POLG: variants seen among roughly 807,000 people sequenced by gnomAD.
POLG encodes DNA polymerase subunit gamma-1.
Under a neutral mutation model 155.4 loss-of-function variants are expected in POLG, and 110 were observed. That is an observed-to-expected ratio of 0.71 (90% CI 0.61 to 0.83). POLG has a LOEUF of 0.83. POLG is among the 40% of genes least tolerant of loss of function. POLG has a pLI of 0.00. For synonymous variants in POLG, 701 were observed against 631.5 expected, an observed-to-expected ratio of 1.11 and a Z score of -1.65; for missense variants, 1,685 against 1,627.5, an observed-to-expected ratio of 1.04 and a Z score of -0.61.
chr15:89,322,867 G>C lies in POLG; in HGVS notation c.2301C>G (p.Ala767=), dbSNP rs1376163866. 6.2e-7 allele frequency: 1 copy of C among 1,613,614 alleles called. No individual in the cohort carries two copies. The highest frequency in any genetic ancestry group is 1.7e-5 in the Admixed American group (1 of 60,022). ...GNSCNVGSPF[A]KDFLPKMEDG... is the part of the protein sequence containing the mutation. ...CCTCCATCTTGGGCAGGAAGTCCTT[G>C]GCAAAGGGGCTTCCCACATTACAGC... The change falls in exon 14 of 23, where the codon GCC becomes GCG. Residue 767 remains alanine, a synonymous_variant. Transcript: ENST00000268124.
intron 10 of POLG, among the ~76,000 whole-genome samples, chr15:89,324,689 C>T (rs2055446276): frequency 6.6e-6 from 1 of 152,256 alleles, no homozygotes; most frequent in African/African-American, 2.4e-5. Context: ...TTCTCCCCAA[C>T]ACCTGCCTGC....
At chr15:89,325,157 AGTGAGTG>A (rs2055479365) in intron 10 of POLG, among the ~76,000 whole-genome samples, 4 of 97,776 alleles carry the variant, frequency 4.1e-5, no homozygotes, top group Admixed American at 2.0e-4. Context: ...TGAGTGAGTG[AGTGAGTG>A]AGTGAGAGAG....
rs200258601 is a variant in POLG, at chr15:89,320,788, C to T, written c.2959G>A (p.Ala987Thr). ...EAAEKAQQMY[A>T]ATKGLRWYRL... ...CACCAGCGGAGGCCCTTGGTGGCAG[C>T]GTACATCTGCTGGGCCTTCTCAGCT... Residue 987 changes from alanine (A) to threonine (T), a missense_variant, in exon 18 of 23, where the codon GCT becomes ACT. Transcript: ENST00000268124. The T allele has an allele frequency of 4.2e-5, 68 of 1,613,506 alleles. No individual in the cohort carries two copies. Among genetic ancestry groups the T allele is most frequent in the Non-Finnish European group, 5.4e-5 (64 of 1,180,012 alleles).
intron 10 of POLG, among the ~76,000 whole-genome samples, 173 bp downstream of exon 10, chr15:89,325,267 TGAGTGAGAGA>T (rs1342184715): frequency 9.4e-6 from 1 of 106,414 alleles, no homozygotes; most frequent in African/African-American, 5.1e-5. Context: ...AGTGAGTGAG[TGAGTGAGAGA>T]GAGAGAAAGA....
chr15:89,326,923 A>G lies in POLG; in HGVS notation c.1574T>C (p.Met525Thr). The G allele has an allele frequency of 6.2e-7, 1 of 1,613,972 alleles. No homozygotes were observed. The highest frequency in any genetic ancestry group is 8.5e-7 in the Non-Finnish European group (1 of 1,179,934). ...IEGAGAPGDPMDQEDLGPCSE... is the reference protein window; with the variant it reads ...IEGAGAPGDPTDQEDLGPCSE... ...CCCATGCTCCCCACCTTCCTGATCC[A>G]TGGGATCACCAGGGGCCCCAGCCCC... Residue 525 changes from methionine (M) to threonine (T), a missense_variant, in exon 8 of 23, where the codon ATG becomes ACG. Met to Thr is a moderately conservative substitution (Grantham distance 81, BLOSUM62 -1). Transcript: ENST00000268124.
chr15:89,333,903 C>A lies in POLG; in HGVS notation c.-149G>T. ...AATGGGTTTGACCATGCCTGCCTTC[C>A]ACCCCAAATCCTAAAGGAGACAGAT... On this transcript the variant is annotated 5_prime_UTR_variant, in exon 2 of 23. Coordinates refer to ENST00000268124, the MANE Select transcript of POLG (RefSeq NM_002693.3). The A allele has an allele frequency of 1.2e-6, 1 of 841,548 alleles. No individual in the cohort carries two copies. Among genetic ancestry groups the A allele is most frequent in the East Asian group, 2.7e-5 (1 of 37,530 alleles). 52.1% of individuals were successfully genotyped at this position (841,548 alleles called of 1,614,324 possible).
chr15:89,325,161 AGTGAGT>A lies in POLG; in HGVS notation c.1949+283_1949+288del, dbSNP rs1286868089. ...GAGTGAGAGAGTGAGTGAGTGAGTG[AGTGAGT>A]GAGAGAGTGAGAGAGTGAGTGAGTG... On this transcript the variant is annotated intron_variant, in intron 10 of 22. Transcript: ENST00000268124. Among the ~76,000 whole-genome samples, 14 of 98,536 alleles carry A rather than the reference AGTGAGT, an allele frequency of 1.4e-4. No individual in the cohort carries two copies. In the South Asian group the frequency reaches 1.5e-3, roughly 10 times the overall value. The allele number at this position is 98,536 out of a possible 152,430, so 64.6% of individuals were successfully genotyped here.
rs185645212 is a variant in POLG at position 89,323,504 on chromosome 15, C to A, written c.2165G>T (p.Arg722Leu). Residue 722 changes from arginine (R) to leucine (L), a missense_variant, in exon 13 of 23, where the codon CGT (arginine) becomes CTT (leucine). This residue lies in a region of POLG where 1,210 missense variants were observed against 1,167.1 expected (regional missense o/e 1.04). Transcript: ENST00000268124. The stretch of plus-strand genomic sequence containing the variant: ...GGGCTGGGTGTCCTTGGGGCCACCA[C>A]GGGCAGTCTGTGAGGGCCACACACC... Reference protein sequence around the residue: ...VPGQPLALTARGGPKDTQPSY... With the variant: ...VPGQPLALTALGGPKDTQPSY... 2.5e-6 allele frequency: 4 copies of A among 1,608,372 alleles called. No homozygotes were observed. In the Admixed American group the frequency reaches 6.7e-5, roughly 27 times the overall value.
Position 89,326,731 on chromosome 15 carries a change from G to A in POLG, c.1593C>T (p.Gly531=). The part of the protein sequence containing the change: ...PGDPMDQEDL[G]PCSEEEEFQQ... Reference sequence around the variant, plus strand: ...GAAACTCCTCCTCCTCACTGCAGGGGCCGAGGTCTGTGAGGGTGGGGGAAG... The same window carrying A: ...GAAACTCCTCCTCCTCACTGCAGGGACCGAGGTCTGTGAGGGTGGGGGAAG... The change falls in exon 9 of 23, where the codon GGC becomes GGT. Residue 531 remains glycine, a synonymous_variant. Coordinates refer to ENST00000268124, the MANE Select transcript of POLG (RefSeq NM_002693.3). 3 of 1,613,936 alleles carry A rather than the reference G, an allele frequency of 1.9e-6. No homozygotes were observed. The highest frequency in any genetic ancestry group is 2.2e-5 in the East Asian group (1 of 44,874).
At chr15:89,317,119 A>G (rs1061316) in intron 22 of POLG, 5 of 591,168 alleles carry the variant, frequency 8.5e-6, no homozygotes, top group Non-Finnish European at 1.5e-5. Context: ...AGAATAAATT[A>G]TCTTTAAACA....
intron 6 of POLG, among the ~76,000 whole-genome samples, chr15:89,327,751 G>A (rs1242115341): frequency 6.6e-6 from 1 of 151,880 alleles, no homozygotes; most frequent in Non-Finnish European, 1.5e-5. Context: ...TGTCTGGATC[G>A]TGCAAGTTCA....
rs1306682671 is a variant in POLG at position 89,325,127 on chromosome 15, T to A, written c.1949+323A>T. ...GAGTGAGAGAGAGTGAGTGAGTGAG[T>A]GAGAGAGTGAGTGAGAGAGTGAGTG... On this transcript the variant is annotated intron_variant, in intron 10 of 22. Transcript: ENST00000268124. Among the ~76,000 whole-genome samples, 164 of 37,752 alleles carry A rather than the reference T, an allele frequency of 4.3e-3. 1 individual carries two copies. The highest frequency in any genetic ancestry group is 0.011 in the African/African-American group (82 of 7,326). The allele number at this position is 37,752 out of a possible 152,430, so 24.8% of individuals were successfully genotyped here.
intron 10 of POLG, 200 bp from the exon 11 acceptor site, chr15:89,324,427 G>C (rs1208242242): frequency 3.0e-6 from 2 of 671,920 alleles, no homozygotes; most frequent in African/African-American, 3.5e-5. Flanking sequence ...CAGCAGGCTG[G>C]GGTTCAAGGC....
At chr15:89,319,661 A>G (rs1298474603) in intron 18 of POLG, among the ~76,000 whole-genome samples, 3 of 152,200 alleles carry the variant, frequency 2.0e-5, no homozygotes, top group Non-Finnish European at 2.9e-5. Flanking sequence ...GTTTCTTTAG[A>G]CACTGAATTG....
In POLG at chr15:89,333,681, C is replaced by A; in HGVS notation, c.74G>T (p.Trp25Leu). The stretch of plus-strand genomic sequence containing the variant: ...GGACGCGGGGACGGAGCTGGAGACC[C>A]AGCGCCCCGGAGCTGGAACCGGCCC... The part of the protein sequence containing the change: ...GPGPVPAPGR[W>L]VSSSVPASDP... Residue 25 changes from tryptophan (W) to leucine (L), a missense_variant, in exon 2 of 23, where the codon TGG (tryptophan) becomes TTG (leucine). Trp to Leu is a moderately conservative substitution (Grantham distance 61). This residue lies in a region of POLG where 1,210 missense variants were observed against 1,167.1 expected (regional missense o/e 1.04). Coordinates refer to ENST00000268124, the MANE Select transcript of POLG (RefSeq NM_002693.3). 1 of 1,548,310 alleles carries A rather than the reference C, an allele frequency of 6.5e-7. No individual in the cohort carries two copies. The highest frequency in any genetic ancestry group is 2.4e-5 in the East Asian group (1 of 41,468).
intron 10 of POLG, among the ~76,000 whole-genome samples, chr15:89,325,107 A>AGAGAGTGAGT (rs1555453310): frequency 5.5e-5 from 2 of 36,666 alleles, no homozygotes; most frequent in Non-Finnish European, 9.8e-5. Flanking sequence ...TGAGAGAGTG[A>AGAGAGTGAGT]GAGAGAGTGA....
At position 89,326,924 on chromosome 15, in the gene POLG, T is replaced by C. The variant is rs1215102590; in HGVS notation, c.1573A>G (p.Met525Val). The change falls in exon 8 of 23, where the codon ATG becomes GTG. Residue 525 changes from methionine (M) to valine (V), a missense_variant. Met to Val is a conservative substitution (Grantham distance 21, BLOSUM62 1). Transcript: ENST00000268124. ...CCATGCTCCCCACCTTCCTGATCCA[T>C]GGGATCACCAGGGGCCCCAGCCCCC... Reference protein sequence around the residue: ...IEGAGAPGDPMDQEDLGPCSE... With the variant: ...IEGAGAPGDPVDQEDLGPCSE... The C allele has an allele frequency of 2.5e-6, 4 of 1,613,978 alleles. No individual in the cohort carries two copies. Among genetic ancestry groups the C allele is most frequent in the African/African-American group, 1.3e-5 (1 of 74,928 alleles).
At chr15:89,323,240 A>T (rs1297366784) in intron 13 of POLG, among the ~76,000 whole-genome samples, 164 bp downstream of exon 13, 2 of 152,252 alleles carry the variant, frequency 1.3e-5, no homozygotes, top group Admixed American at 1.3e-4. Context: ...TCATTAGAAA[A>T]ACAAAAGCTG....
At chr15:89,324,337 G>A (rs1413517193) in intron 10 of POLG, 110 bp from the exon 11 acceptor site, 3 of 1,255,216 alleles carry the variant, frequency 2.4e-6, no homozygotes, top group East Asian at 5.0e-5. Context: ...CTCAGAATCA[G>A]CTCTGAGGCA....
Sources: gnomAD v4.1 joint callset for allele counts (sites outside exome capture counted in the v4.1 genomes callset) on GRCh38, gnomAD v4.1.1 for gene constraint, gnomAD v4.1.1 regional missense constraint, MANE v1.5 for transcripts, NCBI Gene and HGNC (gene_info 2026-07-23, HGNC 2026-07-21) for gene names.